MCPH1: variants seen among roughly 807,000 people sequenced by gnomAD.
The protein encoded by MCPH1 is microcephalin 1, also known as microcephalin.
In MCPH1, 104 loss-of-function variants were observed where a neutral mutation model predicts 84.5. That is an observed-to-expected ratio of 1.23 (90% confidence interval 1.05 to 1.45). The LOEUF (loss-of-function observed/expected upper bound fraction) is 1.45. Among genes scored for constraint, MCPH1 ranks in the 40% most tolerant of loss-of-function variants. The pLI, the probability that MCPH1 is intolerant of heterozygous loss-of-function variation, is 0.00. For missense variants in MCPH1, 1,498 were observed against 1,005.7 expected (o/e 1.49, Z -6.62); for synonymous variants, 514 against 366.8 (o/e 1.40, Z -4.58).
chr8:6,444,420 C>A lies in MCPH1; in HGVS notation c.698C>A (p.Ser233Ter), dbSNP rs1171432546. 9 of 1,614,004 alleles carry A rather than the reference C, an allele frequency of 5.6e-6. No homozygotes were observed. The highest frequency in any genetic ancestry group is 5.9e-6 in the Non-Finnish European group (7 of 1,180,020). Residue 233 changes from serine (S) to a stop codon, truncating the protein, a stop_gained, in exon 8 of 14, where the codon TCA becomes TAA. Transcript: ENST00000344683. LOFTEE classifies it high-confidence loss of function. ...SDEYFAGGLH[S>*]SFDDLCGNSG... ...GAATACTTTGCTGGTGGCTTACACT[C>A]ATCTTTTGATGATCTTTGTGGAAAC...
At chr8:6,434,983 G>C (rs199726717) in intron 4 of MCPH1, among the ~76,000 whole-genome samples, 2 of 152,136 alleles carry the variant, frequency 1.3e-5, no homozygotes, top group East Asian at 3.9e-4. Context: ...AAGTGGGGTG[G>C]GTAAGGCTGG....
chr8:6,519,625 C>T (rs1339747002), intron 12 of MCPH1, among the ~76,000 whole-genome samples: 2 of 152,088 alleles, frequency 1.3e-5, no homozygotes, highest in East Asian at 1.9e-4. Context: ...TATTTCTTGC[C>T]GAAGATAAGA....
At chr8:6,642,713 C>T (rs1011588130) in intron 13 of MCPH1, 3 of 493,948 alleles carry the variant, frequency 6.1e-6, no homozygotes, top group Admixed American at 3.1e-5. Context: ...CACTGAGTGT[C>T]CTGACACAAC....
At chr8:6,603,939 A>T (rs558080228) in intron 12 of MCPH1, among the ~76,000 whole-genome samples, 2 of 152,232 alleles carry the variant, frequency 1.3e-5, no homozygotes, top group South Asian at 4.2e-4. Context: ...TTTGGTGAAG[A>T]TATCAGAGTT....
intron 11 of MCPH1, among the ~76,000 whole-genome samples, chr8:6,498,458 G>C (rs1447542547): frequency 6.6e-6 from 1 of 152,144 alleles, no homozygotes; most frequent in African/African-American, 2.4e-5. Context: ...TGGGATGTCT[G>C]TGTAAATTAA....
chr8:6,473,320 C>CTTTTT (rs56077837), intron 9 of MCPH1, among the ~76,000 whole-genome samples: 3 of 76,396 alleles, frequency 3.9e-5, no homozygotes, highest in African/African-American at 5.3e-5. Context: ...TCTCTCAATC[C>CTTTTT]TTTTTTTTTT....
intron 12 of MCPH1, chr8:6,513,666 G>T (rs1815658161): frequency 1.9e-6 from 3 of 1,598,288 alleles, no homozygotes; most frequent in African/African-American, 2.7e-5. Context: ...CAATTACCAT[G>T]AACTCACTTA....
At chr8:6,417,491 G>A (rs1251968111) in intron 3 of MCPH1, among the ~76,000 whole-genome samples, 1 of 152,118 alleles carries the variant, frequency 6.6e-6, no homozygotes, top group Non-Finnish European at 1.5e-5. Context: ...TGTCCATAGT[G>A]CTCTCCTTCT....
rs1439834464 is a variant in MCPH1 at position 6,562,451 on chromosome 8, C to T, written c.2215-59003C>T. Among the ~76,000 whole-genome samples, 5 of 152,024 alleles carry T rather than the reference C, an allele frequency of 3.3e-5. No individual in the cohort carries two copies. In the East Asian group the frequency reaches 9.7e-4, roughly 29 times the overall value. On this transcript the variant is annotated intron_variant, in intron 12 of 13. Transcript: ENST00000344683. ...TCTTTCCAAATAATTATTTTCACCCCGGGGACTACCCACACACCCTGGGAT... is the reference window on the plus strand; with the variant it reads ...TCTTTCCAAATAATTATTTTCACCCTGGGGACTACCCACACACCCTGGGAT...
chr8:6,626,315 G>A (rs193289773), intron 13 of MCPH1: 41 of 985,232 alleles, frequency 4.2e-5, no homozygotes, highest in Middle Eastern at 5.2e-4. Flanking sequence ...TCTGCGCCGC[G>A]TTGCCTAATA....
At chr8:6,620,432 C>A (rs754405400) in intron 12 of MCPH1, among the ~76,000 whole-genome samples, 1 of 152,072 alleles carries the variant, frequency 6.6e-6, no homozygotes, top group Non-Finnish European at 1.5e-5. Context: ...TTACTCTTTG[C>A]TGCTCTTCCC....
At chr8:6,462,127 T>C (rs1461421525) in intron 9 of MCPH1, among the ~76,000 whole-genome samples, 1 of 152,174 alleles carries the variant, frequency 6.6e-6, no homozygotes, top group Non-Finnish European at 1.5e-5. Context: ...TGGAGAGATG[T>C]GAAGGAACAA....
intron 2 of MCPH1, 35 bp downstream of exon 2, chr8:6,409,405 A>C: frequency 6.7e-7 from 1 of 1,485,130 alleles, no homozygotes; most frequent in Admixed American, 1.7e-5. Flanking sequence ...TTCATATGAC[A>C]GTCTTCTGAT....
intron 13 of MCPH1, among the ~76,000 whole-genome samples, chr8:6,622,571 C>T (rs535948883): frequency 1.3e-4 from 20 of 152,322 alleles, no homozygotes; most frequent in African/African-American, 2.9e-4. Flanking sequence ...GGGCTGCCAT[C>T]GCAAAATACT....
intron 12 of MCPH1, among the ~76,000 whole-genome samples, chr8:6,574,316 G>A (rs570315855): frequency 6.6e-6 from 1 of 152,218 alleles, no homozygotes; most frequent in African/African-American, 2.4e-5. Flanking sequence ...TTCTGGTGTT[G>A]CTGGCCTCAT....
At chr8:6,576,414 G>A (rs2959777) in intron 12 of MCPH1, among the ~76,000 whole-genome samples, 58,386 of 151,794 alleles carry the variant, frequency 0.38, 12,112 homozygotes, top group African/African-American at 0.54. Context: ...CATTATCCTC[G>A]CTAAAATGAA....
At chr8:6,639,062 C>G (rs550104179) in intron 13 of MCPH1, among the ~76,000 whole-genome samples, 2 of 152,332 alleles carry the variant, frequency 1.3e-5, no homozygotes, top group South Asian at 4.1e-4. Flanking sequence ...TACATGTAGG[C>G]TTCTGTTCCA....
At chr8:6,527,782 C>A in intron 12 of MCPH1, 2 of 1,061,804 alleles carry the variant, frequency 1.9e-6, no homozygotes, top group Non-Finnish European at 2.6e-6. Flanking sequence ...ATAACAAAAA[C>A]ATTATTTATT....
intron 3 of MCPH1, among the ~76,000 whole-genome samples, chr8:6,416,949 A>G (rs1406155055): frequency 1.3e-5 from 2 of 151,778 alleles, no homozygotes; most frequent in African/African-American, 4.8e-5. Context: ...AACCAAGACC[A>G]CGCCATTGCA....
Sources: allele counts gnomAD v4.1 joint callset (sites outside exome capture counted in the v4.1 genomes callset), GRCh38; gene constraint gnomAD v4.1.1; transcripts MANE v1.5; gene names NCBI Gene and HGNC (gene_info 2026-07-23, HGNC 2026-07-21).